CTNNA3: variants seen among roughly 807,000 people sequenced by gnomAD.
CTNNA3 encodes catenin alpha-3.
A neutral mutation model predicts 95.7 loss-of-function variants in CTNNA3; 76 were observed. That is an observed-to-expected ratio of 0.79 (90% CI 0.66 to 0.96). The LOEUF is 0.96. CTNNA3 is among the 40% of genes least tolerant of loss of function. The probability of loss-of-function intolerance (pLI) is 0.00; values close to 1 mark genes in which losing one functional copy is unlikely to be tolerated. For synonymous variants in CTNNA3, 431 were observed against 374.4 expected (o/e 1.15, Z -1.74); for missense variants, 1,191 against 1,089.8 (o/e 1.09, Z -1.31).
intron 5 of CTNNA3, among the ~76,000 whole-genome samples, chr10:67,275,718 A>G (rs1404851254): frequency 6.6e-6 from 1 of 152,198 alleles, no homozygotes; most frequent in Non-Finnish European, 1.5e-5. Context: ...GGAGGCATGT[A>G]TCACATTATA....
chr10:67,293,819 A>T (rs1454827108), intron 5 of CTNNA3, among the ~76,000 whole-genome samples: 1 of 151,970 alleles, frequency 6.6e-6, no homozygotes, highest in Non-Finnish European at 1.5e-5. Flanking sequence ...TTCCAGCTTC[A>T]TCCATGTCCC....
chr10:66,181,667 C>T (rs1456346431), intron 13 of CTNNA3, among the ~76,000 whole-genome samples: 1 of 152,126 alleles, frequency 6.6e-6, no homozygotes, highest in East Asian at 1.9e-4. Context: ...ACACTGAACA[C>T]ACCCTGAGAA....
chr10:66,455,572 C>A (rs1261665974), intron 11 of CTNNA3, among the ~76,000 whole-genome samples: 1 of 152,160 alleles, frequency 6.6e-6, no homozygotes, highest in Admixed American at 6.5e-5. Flanking sequence ...AAATGCCCAG[C>A]AACACCCAGA....
chr10:66,971,630 G>GTAAA (rs1403979226), intron 7 of CTNNA3, among the ~76,000 whole-genome samples: 1 of 152,062 alleles, frequency 6.6e-6, no homozygotes, highest in African/African-American at 2.4e-5. Context: ...CCCACTTAGA[G>GTAAA]TAAACACTCA....
intron 7 of CTNNA3, among the ~76,000 whole-genome samples, chr10:67,141,829 T>C (rs1860581359): frequency 6.6e-6 from 1 of 152,156 alleles, no homozygotes; most frequent in Admixed American, 6.5e-5. Context: ...GCATTTTATA[T>C]ATTCTAAAAT....
intron 12 of CTNNA3, among the ~76,000 whole-genome samples, chr10:66,374,093 A>C (rs1353312216): frequency 6.6e-6 from 1 of 152,114 alleles, no homozygotes; most frequent in Non-Finnish European, 1.5e-5. Flanking sequence ...TAAATTTTGG[A>C]GAAGGACTTG....
At chr10:66,165,746 C>A (rs1184930162) in intron 13 of CTNNA3, among the ~76,000 whole-genome samples, 1 of 151,560 alleles carries the variant, frequency 6.6e-6, no homozygotes, top group Non-Finnish European at 1.5e-5. Flanking sequence ...TCAATATACA[C>A]AATACAATTT....
chr10:67,024,851 C>T (rs141225625), intron 7 of CTNNA3, among the ~76,000 whole-genome samples: 8 of 151,828 alleles, frequency 5.3e-5, no homozygotes, highest in Admixed American at 2.0e-4. Context: ...CACAAGAGGC[C>T]GGGTGGGGTG....
At chr10:67,153,304 C>G (rs1402298708) in intron 7 of CTNNA3, among the ~76,000 whole-genome samples, 3 of 152,150 alleles carry the variant, frequency 2.0e-5, no homozygotes, top group African/African-American at 7.2e-5. Flanking sequence ...CATTTTGATT[C>G]ATGAGTGTAT....
chr10:67,395,245 C>T (rs1844669328), intron 5 of CTNNA3, among the ~76,000 whole-genome samples: 1 of 152,132 alleles, frequency 6.6e-6, no homozygotes. Flanking sequence ...TGCAGCTTGA[C>T]CAGCAGATGG....
intron 16 of CTNNA3, among the ~76,000 whole-genome samples, chr10:65,972,639 G>C (rs911185426): frequency 6.6e-6 from 1 of 151,886 alleles, no homozygotes; most frequent in African/African-American, 2.4e-5. Flanking sequence ...TCTAACCAAG[G>C]AAGTGAAAGA....
At chr10:67,447,753 G>C (rs1190104748) in intron 5 of CTNNA3, among the ~76,000 whole-genome samples, 1 of 152,062 alleles carries the variant, frequency 6.6e-6, no homozygotes, top group African/African-American at 2.4e-5. Context: ...ATGTGTATGT[G>C]TTTGTTTACC....
intron 13 of CTNNA3, among the ~76,000 whole-genome samples, chr10:66,239,180 ATAAT>A (rs140137588): frequency 0.034 from 5,136 of 151,794 alleles, 286 homozygotes; most frequent in African/African-American, 0.12. Context: ...ATTTTATTTT[ATAAT>A]TAATTGATTA....
intron 9 of CTNNA3, among the ~76,000 whole-genome samples, chr10:66,631,963 T>G (rs778452075): frequency 5.0e-5 from 3 of 59,780 alleles, no homozygotes; most frequent in Non-Finnish European, 7.2e-5. Context: ...CAAAATTTGT[T>G]ATTATAGCAA....
chr10:67,583,401 G>C (rs1485276245), intron 3 of CTNNA3, among the ~76,000 whole-genome samples: 2 of 152,156 alleles, frequency 1.3e-5, no homozygotes, highest in South Asian at 4.2e-4. Context: ...CTCTCTTCTG[G>C]CTTGTAGAGT....
At chr10:66,621,661 T>G in intron 10 of CTNNA3, 31 bp downstream of exon 10, 1 of 1,304,248 alleles carries the variant, frequency 7.7e-7, no homozygotes, top group Non-Finnish European at 1.1e-6. Context: ...ATATATAATT[T>G]TACACACAAA....
chr10:67,616,847 T>G (rs1424447702), intron 2 of CTNNA3, among the ~76,000 whole-genome samples: 1 of 152,212 alleles, frequency 6.6e-6, no homozygotes, highest in African/African-American at 2.4e-5. Flanking sequence ...GTCAGTAGTT[T>G]TGCTGATCTT....
chr10:67,092,548 G>A (rs764549011), intron 7 of CTNNA3, among the ~76,000 whole-genome samples: 7 of 151,760 alleles, frequency 4.6e-5, no homozygotes, highest in Non-Finnish European at 8.8e-5. Flanking sequence ...TATATACAAA[G>A]ATATTTGTAC....
At chr10:67,584,704 A>G (rs2088716) in intron 3 of CTNNA3, among the ~76,000 whole-genome samples, 34,670 of 152,168 alleles carry the variant, frequency 0.23, 7,300 homozygotes, top group African/African-American at 0.56. Flanking sequence ...CTTGAGCTGC[A>G]GTGGGCTTCA....
Sources: allele counts gnomAD v4.1 joint callset (sites outside exome capture counted in the v4.1 genomes callset), GRCh38; gene constraint gnomAD v4.1.1; transcripts MANE v1.5; gene names NCBI Gene and HGNC (gene_info 2026-07-23, HGNC 2026-07-21).